SSX2IP: variants seen among roughly 807,000 people sequenced by gnomAD.
The protein encoded by SSX2IP is afadin- and alpha-actinin-binding protein.
SSX2IP carries 55 observed loss-of-function variants against 84.9 expected under a neutral mutation model. The observed-to-expected ratio is 0.65, with a 90% CI of 0.52 to 0.81. The LOEUF (loss-of-function observed/expected upper bound fraction) is 0.81. SSX2IP is among the 30% of genes least tolerant of loss of function. The probability of loss-of-function intolerance (pLI) is 0.00; values close to 1 mark genes in which losing one functional copy is unlikely to be tolerated. For missense variants in SSX2IP, 664 were observed against 705.2 expected, an observed-to-expected ratio of 0.94 and a Z score of 0.66; for synonymous variants, 239 against 234.7, an observed-to-expected ratio of 1.02 and a Z score of -0.17.
chr1:84,670,149 A>G (rs184161923), intron 3 of SSX2IP: 192 of 246,224 alleles, frequency 7.8e-4, no homozygotes, highest in African/African-American at 3.7e-3. Flanking sequence ...CATGTTGAAC[A>G]TGACAAATAT....
chr1:84,647,746 T>C, intron 13 of SSX2IP, 139 bp from the exon 14 acceptor site: 28 of 309,424 alleles, frequency 9.0e-5, no homozygotes, highest in East Asian at 4.7e-4. Context: ...TTTAAAATTT[T>C]ACTTGGAAAA....
intron 1 of SSX2IP, among the ~76,000 whole-genome samples, chr1:84,686,941 G>C (rs1655880944): frequency 6.6e-6 from 1 of 151,950 alleles, no homozygotes; most frequent in Non-Finnish European, 1.5e-5. Context: ...TAGTTTCTCT[G>C]AATGTAGAGG....
chr1:84,687,891 C>T (rs1019772489), intron 1 of SSX2IP, among the ~76,000 whole-genome samples: 3 of 152,162 alleles, frequency 2.0e-5, no homozygotes, highest in Non-Finnish European at 4.4e-5. Flanking sequence ...GCAGAATGCA[C>T]CAGCTGCTTG....
chr1:84,659,587 C>T (rs1358088698), intron 8 of SSX2IP, among the ~76,000 whole-genome samples: 2 of 151,916 alleles, frequency 1.3e-5, no homozygotes, highest in African/African-American at 4.8e-5. Context: ...ATCATGAGGT[C>T]AAGAGATCGA....
At chr1:84,658,286 A>G (rs764390321) in intron 9 of SSX2IP, 32 bp downstream of exon 9, 2 of 1,612,018 alleles carry the variant, frequency 1.2e-6, no homozygotes, top group Admixed American at 3.3e-5. Flanking sequence ...AAATGTCACA[A>G]CTCACTTTAC....
intron 1 of SSX2IP, 28 bp from the exon 2 acceptor site, chr1:84,671,336 C>A (rs1653549813): frequency 1.4e-6 from 2 of 1,457,760 alleles, no homozygotes; most frequent in South Asian, 1.5e-5. Flanking sequence ...AGAATAATAG[C>A]ATCTAATTTA....
At chr1:84,688,953 C>A (rs1250421615) in intron 1 of SSX2IP, among the ~76,000 whole-genome samples, 2 of 152,208 alleles carry the variant, frequency 1.3e-5, no homozygotes, top group African/African-American at 4.8e-5. Flanking sequence ...TTATCAGTTC[C>A]TAACCCTCTT....
At chr1:84,667,082 A>C (rs1652879797) in intron 4 of SSX2IP, among the ~76,000 whole-genome samples, 1 of 152,028 alleles carries the variant, frequency 6.6e-6, no homozygotes, top group African/African-American at 2.4e-5. Context: ...TGTAAAACTT[A>C]CTACTAGGGT....
chr1:84,685,695 T>C (rs369682548), intron 1 of SSX2IP, among the ~76,000 whole-genome samples: 6 of 152,304 alleles, frequency 3.9e-5, no homozygotes, highest in African/African-American at 1.4e-4. Context: ...GCTGAGCAAA[T>C]GATATCAATT....
At chr1:84,684,851 A>G (rs183637487) in intron 1 of SSX2IP, among the ~76,000 whole-genome samples, 74 of 152,330 alleles carry the variant, frequency 4.9e-4, no homozygotes, top group Non-Finnish European at 9.8e-4. Context: ...TTCAGAAGAT[A>G]GGGCATGTAA....
chr1:84,651,218 G>C (rs1382250496), intron 12 of SSX2IP, among the ~76,000 whole-genome samples: 1 of 152,120 alleles, frequency 6.6e-6, no homozygotes, highest in African/African-American at 2.4e-5. Context: ...TCAGGAGGCT[G>C]AGGCAAGGAG....
intron 1 of SSX2IP, among the ~76,000 whole-genome samples, chr1:84,672,234 T>C (rs1446600199): frequency 1.3e-5 from 2 of 152,126 alleles, no homozygotes; most frequent in Non-Finnish European, 2.9e-5. Context: ...GGAGGAAGGG[T>C]GAAGACTGCA....
intron 11 of SSX2IP, 147 bp downstream of exon 11, chr1:84,655,685 C>T: frequency 1.4e-6 from 2 of 1,434,940 alleles, no homozygotes; most frequent in South Asian, 2.8e-5. Flanking sequence ...TGCTCAGCCT[C>T]CCTCTCATTT....
At chr1:84,663,597 C>CT (rs1652347943) in intron 6 of SSX2IP, among the ~76,000 whole-genome samples, 1 of 152,176 alleles carries the variant, frequency 6.6e-6, no homozygotes, top group Non-Finnish European at 1.5e-5. Context: ...GTAGTCAACA[C>CT]TAAACTGCTT....
chr1:84,676,763 C>T (rs1654409818), intron 1 of SSX2IP, among the ~76,000 whole-genome samples: 1 of 118,052 alleles, frequency 8.5e-6, no homozygotes, highest in African/African-American at 3.1e-5. Context: ...CGCTCTGTCA[C>T]CCAGGCTGGA....
intron 4 of SSX2IP, among the ~76,000 whole-genome samples, chr1:84,667,053 CA>C (rs1260227875): frequency 3.3e-5 from 5 of 151,582 alleles, no homozygotes; most frequent in Admixed American, 6.6e-5. Context: ...CAGTTTTTGG[CA>C]ACCTTTTTTT....
chr1:84,658,234 T>C, intron 9 of SSX2IP, 84 bp downstream of exon 9: 1 of 1,508,002 alleles, frequency 6.6e-7, no homozygotes, highest in South Asian at 1.2e-5. Flanking sequence ...GCTCTGAGCC[T>C]ATAATGCGGC....
At position 84,664,482 on chromosome 1, in the gene SSX2IP, C is replaced by T. The variant is rs762649625; in HGVS notation, c.608G>A (p.Arg203His). The stretch of plus-strand genomic sequence containing the variant: ...ACGTTCCTTCAGTTTATTATATTCA[C>T]GCTCTTTTCTCTTCATATCATGATT... ...QYNHDMKRKE[R>H]EYNKLKERLH... The change falls in exon 6 of 14, where the codon CGT becomes CAT. Residue 203 changes from arginine (R) to histidine (H), a missense_variant. Physicochemically the swap from Arg to His is conservative, Grantham distance 29. Transcript: ENST00000342203. 20 of 1,602,492 alleles carry T rather than the reference C, an allele frequency of 1.2e-5. No individual in the cohort carries two copies. Among genetic ancestry groups the T allele is most frequent in the East Asian group, 2.3e-5 (1 of 44,034 alleles).
rs775846453 is a variant in SSX2IP, at chr1:84,651,937, T to C, written c.1450A>G (p.Thr484Ala). Reference protein sequence around the residue: ...WLKQQFLNMTTFDHQNSENVK... With the variant: ...WLKQQFLNMTAFDHQNSENVK... ...TTTTCTGAGTTCTGGTGGTCAAAGG[T>C]AGTCATATTTAGAAACTGCTGCTTT... Residue 484 changes from threonine (T) to alanine (A), a missense_variant, in exon 12 of 14, where the codon ACC becomes GCC. Transcript: ENST00000342203. 1.2e-5 allele frequency: 20 copies of C among 1,613,874 alleles called. No individual in the cohort carries two copies. The Admixed American group carries it at 2.5e-4, about 20-fold the overall frequency.
Sources: allele counts gnomAD v4.1 joint callset (sites outside exome capture counted in the v4.1 genomes callset), GRCh38; gene constraint gnomAD v4.1.1; transcripts MANE v1.5; gene names NCBI Gene and HGNC (gene_info 2026-07-23, HGNC 2026-07-21).